SORCS3: variants seen among roughly 807,000 people sequenced by gnomAD.
The protein encoded by SORCS3 is sortilin related VPS10 domain containing receptor 3.
A neutral mutation model predicts 146.3 loss-of-function variants in SORCS3; 57 were observed. The observed-to-expected ratio is 0.39, with a 90% CI of 0.31 to 0.49. The LOEUF is 0.49. SORCS3 is among the 20% of genes least tolerant of loss of function. SORCS3 has a pLI of 0.92. For missense variants in SORCS3, 1,341 were observed against 1,575.5 expected (o/e 0.85, Z 2.52); for synonymous variants, 653 against 618.5 (o/e 1.06, Z -0.83).
intron 2 of SORCS3, among the ~76,000 whole-genome samples, chr10:104,856,557 T>TATGTATATATAAATATATACATAGAA (rs2018334913): frequency 6.9e-6 from 1 of 145,780 alleles, no homozygotes; most frequent in East Asian, 2.0e-4. Flanking sequence ...CATAGAAATG[T>TATGTATATATAAATATATACATAGAA]ATGTATTTGT....
At chr10:104,660,447 C>G (rs979285738) in intron 1 of SORCS3, among the ~76,000 whole-genome samples, 2 of 152,176 alleles carry the variant, frequency 1.3e-5, no homozygotes, top group Non-Finnish European at 2.9e-5. Context: ...ACCCCAGAGT[C>G]TGAGTCCCTT....
chr10:104,656,206 G>T (rs895375791), intron 1 of SORCS3, among the ~76,000 whole-genome samples: 7 of 152,126 alleles, frequency 4.6e-5, no homozygotes, highest in Admixed American at 1.3e-4. Flanking sequence ...AGTGTTCTGG[G>T]CATATGGCTT....
intron 14 of SORCS3, among the ~76,000 whole-genome samples, chr10:105,181,741 A>G (rs1449545415): frequency 6.6e-6 from 1 of 152,122 alleles, no homozygotes; most frequent in African/African-American, 2.4e-5. Flanking sequence ...GACTGTTCTT[A>G]TTACTTAAGG....
In SORCS3 at chr10:104,696,306, G is replaced by GATACATATCATATACACATATA. The variant is rs1564661107; in HGVS notation, c.627+54355_627+54356insCATATCATATACACATATAATA. Among the ~76,000 whole-genome samples the GATACATATCATATACACATATA allele has an allele frequency of 7.8e-3, 40 of 5,140 alleles. 4 individuals carry two copies. The highest frequency in any genetic ancestry group is 0.014 in the Non-Finnish European group (23 of 1,696). The allele number at this position is 5,140 out of a possible 152,430, so 3.4% of individuals were successfully genotyped here. A position where few individuals can be genotyped will look rare whatever the true frequency, so the allele number is the denominator to read the frequency against. ...TATGATATATATCATATACACATAT[G>GATACATATCATATACACATATA]ATATATGATATATATCATATACACA... On this transcript the variant is annotated intron_variant, in intron 1 of 26. Coordinates refer to ENST00000369701, the MANE Select transcript of SORCS3 (RefSeq NM_014978.3).
intron 7 of SORCS3, among the ~76,000 whole-genome samples, chr10:105,125,804 G>A (rs143239006): frequency 5.5e-4 from 83 of 152,126 alleles, no homozygotes; most frequent in African/African-American, 1.8e-3. Flanking sequence ...GACCTCAAGC[G>A]ATGTGACGTT....
intron 4 of SORCS3, among the ~76,000 whole-genome samples, chr10:104,992,400 A>G (rs1010863496): frequency 5.3e-5 from 8 of 152,212 alleles, no homozygotes; most frequent in African/African-American, 1.9e-4. Context: ...TGTATAAGCT[A>G]GACGTGTTTT....
intron 16 of SORCS3, among the ~76,000 whole-genome samples, chr10:105,206,551 A>G (rs972322639): frequency 1.3e-5 from 2 of 152,202 alleles, no homozygotes; most frequent in Non-Finnish European, 2.9e-5. Flanking sequence ...GCTGAGGAAG[A>G]AAAGGAAAAT....
chr10:105,218,072 A>G (rs534060855), intron 19 of SORCS3, among the ~76,000 whole-genome samples: 1 of 152,292 alleles, frequency 6.6e-6, no homozygotes, highest in Non-Finnish European at 1.5e-5. Flanking sequence ...TCTATTGTAT[A>G]AACAACCTAC....
rs192693204 is a variant in SORCS3 at position 104,803,851 on chromosome 10, C to A, written c.628-38941C>A. 1.1e-3 allele frequency among the ~76,000 whole-genome samples: 175 copies of A among 152,282 alleles called. 2 individuals are homozygous for A. The highest frequency in any genetic ancestry group is 4.1e-3 in the African/African-American group (170 of 41,570). ...CTCTTCCTTGGAGAGTCCTCTGCCT[C>A]CTCCAGGGCCCAAGGTTTCCTTTCT... On this transcript the variant is annotated intron_variant, in intron 1 of 26. Coordinates refer to ENST00000369701, the MANE Select transcript of SORCS3 (RefSeq NM_014978.3).
At chr10:105,220,090 A>G (rs1205779506) in intron 19 of SORCS3, among the ~76,000 whole-genome samples, 2 of 152,148 alleles carry the variant, frequency 1.3e-5, no homozygotes, top group Non-Finnish European at 2.9e-5. Context: ...ATTTTTATCA[A>G]AAGGGGCACT....
intron 7 of SORCS3, among the ~76,000 whole-genome samples, chr10:105,119,282 G>A (rs1429159611): frequency 1.3e-5 from 2 of 152,184 alleles, no homozygotes; most frequent in African/African-American, 4.8e-5. Context: ...GTTTGGGGAT[G>A]TTCACTTAGA....
chr10:104,653,114 G>C (rs1183416255), intron 1 of SORCS3, among the ~76,000 whole-genome samples: 1 of 152,164 alleles, frequency 6.6e-6, no homozygotes, highest in African/African-American at 2.4e-5. Context: ...CACCAAACCT[G>C]GGTCACTTGA....
intron 5 of SORCS3, among the ~76,000 whole-genome samples, chr10:105,061,509 A>T (rs2133718436): frequency 6.6e-6 from 1 of 151,892 alleles, no homozygotes; most frequent in East Asian, 1.9e-4. Flanking sequence ...GTTAGCCAGG[A>T]TGCTCTCGAT....
At chr10:105,008,549 CA>C (rs1190418186) in intron 4 of SORCS3, among the ~76,000 whole-genome samples, 1 of 152,154 alleles carries the variant, frequency 6.6e-6, no homozygotes, top group Non-Finnish European at 1.5e-5. Flanking sequence ...TTCATAGGCA[CA>C]ATGTTGTTAG....
chr10:104,776,200 A>G (rs1284146981), intron 1 of SORCS3, among the ~76,000 whole-genome samples: 1 of 152,108 alleles, frequency 6.6e-6, no homozygotes, highest in Non-Finnish European at 1.5e-5. Flanking sequence ...TTGTATGAAG[A>G]TATCTACAGA....
chr10:104,737,000 A>G (rs899007884), intron 1 of SORCS3, among the ~76,000 whole-genome samples: 30 of 151,246 alleles, frequency 2.0e-4, no homozygotes, highest in African/African-American at 7.3e-4. Context: ...CTCATTGTTC[A>G]TTCCCATCTA....
At chr10:104,689,817 G>A (rs539158261) in intron 1 of SORCS3, among the ~76,000 whole-genome samples, 1 of 152,248 alleles carries the variant, frequency 6.6e-6, no homozygotes, top group East Asian at 1.9e-4. Context: ...AACACCGAAG[G>A]CCTAGAGAAA....
At chr10:104,868,803 T>C (rs571152242) in intron 2 of SORCS3, among the ~76,000 whole-genome samples, 1 of 152,306 alleles carries the variant, frequency 6.6e-6, no homozygotes, top group African/African-American at 2.4e-5. Flanking sequence ...AACTAGCCAA[T>C]CTCATTATAT....
intron 1 of SORCS3, among the ~76,000 whole-genome samples, chr10:104,764,237 A>G (rs2017155076): frequency 6.6e-6 from 1 of 152,194 alleles, no homozygotes; most frequent in Admixed American, 6.5e-5. Flanking sequence ...TAGCAGTGCT[A>G]TGTTTATCAA....
Sources: allele counts gnomAD v4.1 joint callset (sites outside exome capture counted in the v4.1 genomes callset), GRCh38; gene constraint gnomAD v4.1.1; transcripts MANE v1.5; gene names NCBI Gene and HGNC (gene_info 2026-07-23, HGNC 2026-07-21).